The following ATF7IP2 variants were observed in gnomAD, a reference collection of about 807,000 sequenced individuals.
The protein encoded by ATF7IP2 is activating transcription factor 7-interacting protein 2.
A neutral mutation model predicts 64.2 loss-of-function variants in ATF7IP2; 42 were observed. That is an observed-to-expected ratio of 0.65 (90% CI 0.51 to 0.85). ATF7IP2 has a LOEUF of 0.85. Among genes scored for constraint, ATF7IP2 ranks in the 40% least tolerant of loss-of-function variants. The pLI is 0.00. For synonymous variants in ATF7IP2, 308 were observed against 272.8 expected (o/e 1.13, Z -1.27); for missense variants, 933 against 784.2 (o/e 1.19, Z -2.27).
intron 8 of ATF7IP2, among the ~76,000 whole-genome samples, chr16:10,443,139 A>G (rs886969992): frequency 2.0e-5 from 3 of 152,320 alleles, no homozygotes; most frequent in South Asian, 2.1e-4. Context: ...ATAAGGGTCC[A>G]CCACAGTACC....
intron 9 of ATF7IP2, among the ~76,000 whole-genome samples, chr16:10,460,535 A>T (rs1051133575): frequency 6.6e-6 from 1 of 152,216 alleles, no homozygotes; most frequent in East Asian, 1.9e-4. Flanking sequence ...GTAACAGTAG[A>T]GAGTCCGGAA....
At chr16:10,416,568 G>A (rs1213982934) in intron 2 of ATF7IP2, among the ~76,000 whole-genome samples, 2 of 152,130 alleles carry the variant, frequency 1.3e-5, no homozygotes, top group Non-Finnish European at 2.9e-5. Flanking sequence ...CGAGGCAGGT[G>A]GATCACCTGA....
intron 1 of ATF7IP2, among the ~76,000 whole-genome samples, chr16:10,389,391 C>T (rs1356705559): frequency 1.3e-5 from 2 of 152,138 alleles, no homozygotes; most frequent in African/African-American, 2.4e-5. Context: ...TTTTCACATC[C>T]TCCCCTCCTT....
chr16:10,438,274 A>T, intron 7 of ATF7IP2, 39 bp downstream of exon 7: 1 of 1,574,452 alleles, frequency 6.4e-7, no homozygotes, highest in South Asian at 1.2e-5. Flanking sequence ...TTAGGGGAGT[A>T]GGGGGTGTTG....
chr16:10,441,311 C>T (rs1226855070), intron 8 of ATF7IP2, among the ~76,000 whole-genome samples: 1 of 152,124 alleles, frequency 6.6e-6, no homozygotes, highest in African/African-American at 2.4e-5. Flanking sequence ...TTCTATAGAT[C>T]CTTGAGGAAT....
intron 1 of ATF7IP2, among the ~76,000 whole-genome samples, chr16:10,404,188 G>C (rs184886827): frequency 6.6e-6 from 1 of 152,284 alleles, no homozygotes; most frequent in East Asian, 1.9e-4. Context: ...ATCAGCAAGA[G>C]AAAAGTGTCT....
intron 8 of ATF7IP2, chr16:10,449,624 CTGTATTTCTG>C (rs1162199393): frequency 3.3e-5 from 5 of 151,970 alleles, no homozygotes. Flanking sequence ...TGATGGTAGT[CTGTATTTCTG>C]TGGGATCAGT....
chr16:10,421,372 C>G (rs917624439), intron 3 of ATF7IP2, among the ~76,000 whole-genome samples: 1 of 152,146 alleles, frequency 6.6e-6, no homozygotes, highest in African/African-American at 2.4e-5. Context: ...GGAACTCTGC[C>G]TCCACCTCCT....
At position 10,433,521 on chromosome 16, in the gene ATF7IP2, C is replaced by G. The variant is rs1373450958; in HGVS notation, c.836-4C>G. The G allele has an allele frequency of 6.2e-7, 1 of 1,611,538 alleles. No homozygotes were observed. The highest frequency in any genetic ancestry group is 8.5e-7 in the Non-Finnish European group (1 of 1,178,342). On this transcript the variant is annotated splice_polypyrimidine_tract_variant and splice_region_variant and intron_variant, in intron 5 of 13. Coordinates refer to ENST00000562102, the MANE Select transcript of ATF7IP2 (RefSeq NM_001393719.1). ...TTTCTTTCTAATCTTTTGATCTCCTCAAGGCCATTATCAAAAGAAGAGGAT... is the reference window on the plus strand; with the variant it reads ...TTTCTTTCTAATCTTTTGATCTCCTGAAGGCCATTATCAAAAGAAGAGGAT...
At chr16:10,477,882 A>C (rs1304319798) in intron 12 of ATF7IP2, among the ~76,000 whole-genome samples, 1 of 150,420 alleles carries the variant, frequency 6.6e-6, no homozygotes, top group African/African-American at 2.4e-5. Context: ...GAGCCAAATC[A>C]TGAGTGAACT....
intron 1 of ATF7IP2, among the ~76,000 whole-genome samples, chr16:10,393,657 C>G (rs553505265): frequency 6.6e-6 from 1 of 152,244 alleles, no homozygotes; most frequent in South Asian, 2.1e-4. Context: ...TTAGTTGTAC[C>G]TGTATTAACT....
intron 1 of ATF7IP2, among the ~76,000 whole-genome samples, chr16:10,388,473 C>T (rs1238434763): frequency 6.6e-6 from 1 of 152,154 alleles, no homozygotes; most frequent in African/African-American, 2.4e-5. Flanking sequence ...CATTAGTATA[C>T]CTCTGAGGCT....
At chr16:10,409,550 C>A (rs1007276569) in intron 1 of ATF7IP2, among the ~76,000 whole-genome samples, 3 of 151,704 alleles carry the variant, frequency 2.0e-5, no homozygotes, top group African/African-American at 7.3e-5. Context: ...CCTCAGCCTC[C>A]TAAGTAGCTG....
Position 10,482,202 on chromosome 16 carries a change from T to G in ATF7IP2, c.2002T>G (p.Phe668Val). The G allele has an allele frequency of 6.2e-7, 1 of 1,608,636 alleles. No homozygotes were observed. The highest frequency in any genetic ancestry group is 8.5e-7 in the Non-Finnish European group (1 of 1,177,982). The change falls in exon 14 of 14, where the codon TTC (phenylalanine) becomes GTC (valine). Residue 668 changes from phenylalanine to valine, a missense_variant. Transcript: ENST00000562102. ...AGATATTTTTGGACGATATGGACCA[T>G]TCTGTGATATAAAATCTATCCCTGG... ...SKDIFGRYGP[F>V]CDIKSIPGFS...
At chr16:10,478,345 C>T (rs370818513) in intron 12 of ATF7IP2, among the ~76,000 whole-genome samples, 2,300 of 151,772 alleles carry the variant, frequency 0.015, 52 homozygotes, top group African/African-American at 0.051. Flanking sequence ...TCAGAAATAA[C>T]GCCACATATC....
In ATF7IP2 at chr16:10,386,652, A is replaced by T. The variant is rs1301699395; in HGVS notation, c.-242+530A>T. The T allele has an allele frequency of 4.6e-5, 7 of 152,150 alleles. No individual in the cohort carries two copies. The East Asian group carries it at 1.3e-3, about 29-fold the overall frequency. 9.4% of individuals were successfully genotyped at this position (152,150 alleles called of 1,614,324 possible). On this transcript the variant is annotated intron_variant, in intron 1 of 13. Coordinates refer to ENST00000562102, the MANE Select transcript of ATF7IP2 (RefSeq NM_001393719.1). The stretch of plus-strand genomic sequence containing the variant: ...AGTAGGGACCAGAGCATCAGGAAAA[A>T]TACAAAATTCTGAGTAAAATGCTGA...
chr16:10,441,713 T>C (rs1051577087), intron 8 of ATF7IP2, among the ~76,000 whole-genome samples: 6 of 152,252 alleles, frequency 3.9e-5, no homozygotes, highest in Admixed American at 1.3e-4. Context: ...ACTCTGATGA[T>C]AGTTTCCTTT....
At chr16:10,428,007 T>C (rs1165918760) in intron 3 of ATF7IP2, among the ~76,000 whole-genome samples, 2 of 152,182 alleles carry the variant, frequency 1.3e-5, no homozygotes, top group African/African-American at 2.4e-5. Context: ...TTTGTACATA[T>C]ACATAACTGA....
intron 6 of ATF7IP2, among the ~76,000 whole-genome samples, chr16:10,436,942 G>C (rs1394560015): frequency 2.6e-5 from 4 of 151,196 alleles, no homozygotes; most frequent in Admixed American, 6.6e-5. Flanking sequence ...TCATATTACA[G>C]CTACTACGAT....
Sources: allele counts gnomAD v4.1 joint callset (sites outside exome capture counted in the v4.1 genomes callset), GRCh38; gene constraint gnomAD v4.1.1; transcripts MANE v1.5; gene names NCBI Gene and HGNC (gene_info 2026-07-23, HGNC 2026-07-21).